Variants in CAST observed in about 807,000 individuals in gnomAD.
CAST encodes the protein calpastatin, also known as MIR583 host.
A neutral mutation model predicts 119.6 loss-of-function variants in CAST; 76 were observed. The ratio of observed to expected loss-of-function variants is 0.64; its 90% CI spans 0.53 to 0.77. CAST has a LOEUF of 0.77. Ranked by LOEUF, CAST falls within the 30% of genes least tolerant of loss-of-function variation. The pLI is 0.00. For missense variants in CAST, 953 were observed against 946.5 expected (o/e 1.01, Z -0.09); for synonymous variants, 319 against 331.6 (o/e 0.96, Z 0.41).
the CAST span, among the ~76,000 whole-genome samples, chr5:96,029,715 G>A: frequency 6.6e-6 from 1 of 152,060 alleles, no homozygotes; most frequent in Non-Finnish European, 1.5e-5. Flanking sequence ...ATTGTCTTAA[G>A]AGATTGTGGA....
rs775739872 is a variant in CAST at position 96,729,162 on chromosome 5, G to GTTC, written c.389_391dup (p.Val130_His131insLeu). 5.0e-6 allele frequency: 8 copies of GTTC among 1,593,190 alleles called. No individual in the cohort carries two copies. The South Asian group carries it at 8.9e-5, about 18-fold the overall frequency. ...CTTTTGAAATTGACAGCTGTCTGTG[G>GTTC]TTCATGAGAAAAAATCCCAAGAAGG... On this transcript the variant is annotated inframe_insertion, in exon 7 of 32. Coordinates refer to ENST00000675179, the MANE Select transcript of CAST (RefSeq NM_001750.7).
intron 2 of CAST, among the ~76,000 whole-genome samples, chr5:96,680,370 AAAAAAAAAAGAAGAAG>A (rs1751239572): frequency 1.4e-5 from 2 of 139,668 alleles, no homozygotes; most frequent in Admixed American, 1.4e-4. Context: ...AAAAAAAAAA[AAAAAAAAAAGAAGAAG>A]AAGAAAAGAA....
At chr5:96,038,404 G>C in the CAST span, among the ~76,000 whole-genome samples, 1 of 151,852 alleles carries the variant, frequency 6.6e-6, no homozygotes, top group Non-Finnish European at 1.5e-5. Flanking sequence ...TAAGTTCTGG[G>C]TTACATGTGA....
intron 25 of CAST, chr5:96,763,055 A>G: frequency 1.3e-6 from 1 of 759,964 alleles, no homozygotes; most frequent in Admixed American, 1.7e-5. Context: ...GCCCTAAACC[A>G]GATCCCCATC....
the CAST span, among the ~76,000 whole-genome samples, chr5:95,974,153 G>T: frequency 6.6e-6 from 1 of 152,122 alleles, no homozygotes; most frequent in African/African-American, 2.4e-5. Context: ...CAAGCTGCCT[G>T]GACAGTGGTG....
chr5:96,128,414 A>G, the CAST span, among the ~76,000 whole-genome samples: 3 of 152,116 alleles, frequency 2.0e-5, no homozygotes, highest in African/African-American at 7.2e-5. Flanking sequence ...ACTCACCTTC[A>G]GTGAGTCTAA....
the CAST span, among the ~76,000 whole-genome samples, chr5:96,479,241 C>T: frequency 6.6e-6 from 1 of 152,188 alleles, no homozygotes; most frequent in African/African-American, 2.4e-5. Flanking sequence ...GACACAAGAA[C>T]TCATATCACT....
At chr5:96,032,019 T>C in the CAST span, among the ~76,000 whole-genome samples, 1 of 152,162 alleles carries the variant, frequency 6.6e-6, no homozygotes, top group African/African-American at 2.4e-5. Flanking sequence ...GGCCTTTCTG[T>C]GGAATTGCTC....
At chr5:95,985,238 C>G in the CAST span, among the ~76,000 whole-genome samples, 1 of 152,116 alleles carries the variant, frequency 6.6e-6, no homozygotes, top group Non-Finnish European at 1.5e-5. Flanking sequence ...CACTTGAGCC[C>G]AGGAGTTCAA....
chr5:96,730,808 G>A lies in CAST; in HGVS notation c.578G>A (p.Gly193Asp), dbSNP rs1159750577. ...AAACCACAAGACATGATTTCTGCTG[G>A]TGGAGAGAGTGTTGCTGGTATCACT... is the stretch of plus-strand genomic sequence containing the variant. Reference protein sequence around the residue: ...KTKPQDMISAGGESVAGITAI... With the variant: ...KTKPQDMISADGESVAGITAI... The change falls in exon 9 of 32, where the codon GGT becomes GAT. Residue 193 changes from glycine to aspartate, a missense_variant. Coordinates refer to ENST00000675179, the MANE Select transcript of CAST (RefSeq NM_001750.7). The A allele has an allele frequency of 1.9e-6, 3 of 1,614,030 alleles. No homozygotes were observed. The highest frequency in any genetic ancestry group is 2.5e-6 in the Non-Finnish European group (3 of 1,179,914).
chr5:96,123,883 T>A, the CAST span, among the ~76,000 whole-genome samples: 6 of 150,952 alleles, frequency 4.0e-5, no homozygotes, highest in South Asian at 6.3e-4. Context: ...ATTGCTTAGA[T>A]TTTTTTTCCC....
intron 2 of CAST, among the ~76,000 whole-genome samples, chr5:96,686,908 G>C (rs1051332785): frequency 2.6e-5 from 4 of 152,136 alleles, no homozygotes; most frequent in Admixed American, 2.6e-4. Flanking sequence ...GGGGTGGCTG[G>C]TTTTTCCAAG....
chr5:96,308,095 A>T, the CAST span, among the ~76,000 whole-genome samples: 1 of 152,034 alleles, frequency 6.6e-6, no homozygotes, highest in Non-Finnish European at 1.5e-5. Flanking sequence ...ACACCAATCA[A>T]ACGTAGATTT....
chr5:96,004,591 G>T, the CAST span, among the ~76,000 whole-genome samples: 1 of 152,086 alleles, frequency 6.6e-6, no homozygotes, highest in African/African-American at 2.4e-5. Context: ...TCTTCAAGTA[G>T]CTTTATTATT....
the CAST span, among the ~76,000 whole-genome samples, chr5:96,195,200 G>T: frequency 1.3e-5 from 2 of 152,158 alleles, no homozygotes; most frequent in Non-Finnish European, 2.9e-5. Flanking sequence ...CTAGAGATGT[G>T]ATTACCCTCC....
At chr5:96,195,167 C>T in the CAST span, among the ~76,000 whole-genome samples, 1 of 152,196 alleles carries the variant, frequency 6.6e-6, no homozygotes, top group African/African-American at 2.4e-5. Flanking sequence ...GACAATCAGA[C>T]TTTTCCAATA....
the CAST span, among the ~76,000 whole-genome samples, chr5:96,158,542 A>G: frequency 6.6e-6 from 1 of 152,258 alleles, no homozygotes; most frequent in Non-Finnish European, 1.5e-5. Context: ...GTAATTATAA[A>G]GGAAATGAAA....
At chr5:96,222,605 A>T in the CAST span, among the ~76,000 whole-genome samples, 2 of 152,240 alleles carry the variant, frequency 1.3e-5, no homozygotes, top group Middle Eastern at 6.8e-3. Flanking sequence ...AAAATGATAA[A>T]AATAATAGAT....
the CAST span, among the ~76,000 whole-genome samples, chr5:96,256,926 C>A: frequency 2.6e-5 from 4 of 152,260 alleles, no homozygotes; most frequent in Non-Finnish European, 4.4e-5. Context: ...ATGACACTGG[C>A]AGATTATGGT....
Sources: allele counts gnomAD v4.1 joint callset (sites outside exome capture counted in the v4.1 genomes callset), GRCh38; gene constraint gnomAD v4.1.1; transcripts MANE v1.5; gene names NCBI Gene and HGNC (gene_info 2026-07-23, HGNC 2026-07-21).